The following DDX60L variants were observed in gnomAD, a reference collection of about 807,000 sequenced individuals.
The protein encoded by DDX60L is DExD/H-box 60 like.
Under a neutral mutation model 211.6 loss-of-function variants are expected in DDX60L, and 191 were observed. That is an observed-to-expected ratio of 0.90 (90% CI 0.80 to 1.02). The LOEUF is 1.02. Among genes scored for constraint, DDX60L ranks in the 50% least tolerant of loss-of-function variants. The pLI, the probability that DDX60L is intolerant of heterozygous loss-of-function variation, is 0.00. For missense variants in DDX60L, 2,007 were observed against 1,984.1 expected, an observed-to-expected ratio of 1.01 and a Z score of -0.22; for synonymous variants, 706 against 694.1, an observed-to-expected ratio of 1.02 and a Z score of -0.27.
chr4:168,479,644 A>T (rs1272929367), intron 1 of DDX60L, among the ~76,000 whole-genome samples: 1 of 152,160 alleles, frequency 6.6e-6, no homozygotes, highest in Admixed American at 6.5e-5. Context: ...ACCTTTCCAG[A>T]GAAATAGTAA....
intron 7 of DDX60L, among the ~76,000 whole-genome samples, chr4:168,453,695 C>T (rs994614729): frequency 1.3e-5 from 2 of 152,034 alleles, no homozygotes; most frequent in Non-Finnish European, 2.9e-5. Context: ...AATGAGAAAT[C>T]GGGGAAGGAA....
intron 4 of DDX60L, among the ~76,000 whole-genome samples, chr4:168,465,178 C>T (rs922180594): frequency 1.3e-5 from 2 of 151,264 alleles, no homozygotes; most frequent in South Asian, 2.1e-4. Context: ...TTTTTGACAA[C>T]AGCTATTCTA....
At chr4:168,459,040 C>T (rs1394242165) in intron 5 of DDX60L, among the ~76,000 whole-genome samples, 2 of 152,002 alleles carry the variant, frequency 1.3e-5, no homozygotes, top group South Asian at 2.1e-4. Context: ...ACCCCCAATC[C>T]TGAACAATTA....
chr4:168,383,996 A>G (rs1387564826), intron 30 of DDX60L, among the ~76,000 whole-genome samples: 1 of 152,168 alleles, frequency 6.6e-6, no homozygotes, highest in Non-Finnish European at 1.5e-5. Flanking sequence ...CAGAATATAA[A>G]GCAGGCAGAA....
intron 33 of DDX60L, among the ~76,000 whole-genome samples, chr4:168,376,949 A>C (rs895684620): frequency 2.0e-5 from 3 of 152,326 alleles, no homozygotes; most frequent in South Asian, 4.1e-4. Flanking sequence ...ACATGAGATG[A>C]TTTAGTGTGA....
chr4:168,412,940 G>GGCC lies in DDX60L; in HGVS notation c.2979+2467_2979+2468insGGC, dbSNP rs1438618662. ...AATCACCAAAGTGGTTCCTCTATGA[G>GGCC]ACTGCAAGAGCCACAGCCTCACTGA... On this transcript the variant is annotated intron_variant, in intron 22 of 37. Coordinates refer to ENST00000682922, the MANE Select transcript of DDX60L (RefSeq NM_001012967.3). Among the ~76,000 whole-genome samples, 2 of 152,232 alleles carry GGCC rather than the reference G, an allele frequency of 1.3e-5. 1 individual carries two copies. Among genetic ancestry groups the GGCC allele is most frequent in the African/African-American group, 4.8e-5 (2 of 41,450 alleles).
At chr4:168,423,171 TA>T (rs1390068315) in intron 15 of DDX60L, among the ~76,000 whole-genome samples, 1 of 152,078 alleles carries the variant, frequency 6.6e-6, no homozygotes, top group Admixed American at 6.5e-5. Flanking sequence ...TTTTCCTGCC[TA>T]AAATGTTATT....
intron 28 of DDX60L, among the ~76,000 whole-genome samples, chr4:168,393,545 C>T (rs560487799): frequency 3.3e-5 from 5 of 152,168 alleles, no homozygotes; most frequent in African/African-American, 1.2e-4. Flanking sequence ...AACGGCTACC[C>T]TTCTACACAA....
At chr4:168,415,585 C>A in intron 21 of DDX60L, 68 bp from the exon 22 acceptor site, 1 of 1,423,354 alleles carries the variant, frequency 7.0e-7, no homozygotes. Context: ...ATTTAAAACA[C>A]AAAAATCCCT....
In DDX60L at chr4:168,421,773, A is replaced by AC; in HGVS notation, c.2380dup (p.Val794GlyfsTer16). On this transcript the variant is annotated frameshift_variant, in exon 17 of 38. Coordinates refer to ENST00000682922, the MANE Select transcript of DDX60L (RefSeq NM_001012967.3). LOFTEE classifies it high-confidence loss of function. ...TTCAAACACTACCTTTGCGGGTGCA[A>AC]CGTACACAACCACCCCGACATCGCT... 1 of 1,614,130 alleles carries AC rather than the reference A, an allele frequency of 6.2e-7. No homozygotes were observed. Among genetic ancestry groups the AC allele is most frequent in the Non-Finnish European group, 8.5e-7 (1 of 1,179,992 alleles).
chr4:168,466,607 G>T (rs915532207), intron 4 of DDX60L, among the ~76,000 whole-genome samples: 22 of 152,172 alleles, frequency 1.4e-4, no homozygotes, highest in Non-Finnish European at 1.5e-5. Context: ...TGAATTTCAA[G>T]TAGAGCAGTT....
intron 24 of DDX60L, among the ~76,000 whole-genome samples, chr4:168,404,698 T>C (rs1747435243): frequency 6.6e-6 from 1 of 152,196 alleles, no homozygotes; most frequent in Non-Finnish European, 1.5e-5. Flanking sequence ...TATCCTACTA[T>C]TCCATATTTG....
Position 168,477,181 on chromosome 4 carries a change from C to T in DDX60L, c.-111+3196G>A, listed in dbSNP as rs1365006832. On this transcript the variant is annotated intron_variant, in intron 1 of 37. Transcript: ENST00000682922. ...CTGTAATCCCAGCACTTTGGGAGGC[C>T]AAGGCGGACGGATCACAAGGTCAGG... Among the ~76,000 whole-genome samples the T allele has an allele frequency of 3.9e-5, 6 of 152,026 alleles. No homozygotes were observed. In the East Asian group the frequency reaches 5.8e-4, roughly 15 times the overall value.
At position 168,356,815 on chromosome 4, in the gene DDX60L, T is replaced by C. The variant is rs1273023343; in HGVS notation, c.*1332A>G. 1 of 152,232 alleles carries C rather than the reference T, an allele frequency of 6.6e-6. No homozygotes were observed. The highest frequency in any genetic ancestry group is 1.5e-5 in the Non-Finnish European group (1 of 68,026). The allele number at this position is 152,232 out of a possible 1,614,324, so 9.4% of individuals were successfully genotyped here. A position where few individuals can be genotyped will look rare whatever the true frequency, so the allele number is the denominator to read the frequency against. ...ACAACAATACCAAGTTTTCAGCTAA[T>C]TGTTTGCTTAAAGAATCACAGAACT... On this transcript the variant is annotated 3_prime_UTR_variant, in exon 38 of 38. Coordinates refer to ENST00000682922, the MANE Select transcript of DDX60L (RefSeq NM_001012967.3).
intron 4 of DDX60L, among the ~76,000 whole-genome samples, chr4:168,466,397 C>A (rs1008937090): frequency 7.2e-5 from 11 of 152,094 alleles, no homozygotes; most frequent in Non-Finnish European, 1.2e-4. Context: ...ATCTGTGAGG[C>A]TTTGTCACAT....
chr4:168,448,586 G>C, intron 9 of DDX60L, 52 bp downstream of exon 9: 3 of 1,368,884 alleles, frequency 2.2e-6, no homozygotes, highest in Non-Finnish European at 3.0e-6. Context: ...AATTTATAAG[G>C]GTTTTATATA....
Position 168,462,070 on chromosome 4 carries a change from ATTTT to A in DDX60L, c.265-34_265-31del, listed in dbSNP as rs955456995. 6 of 1,457,982 alleles carry A rather than the reference ATTTT, an allele frequency of 4.1e-6. No individual in the cohort carries two copies. The African/African-American group carries it at 8.5e-5, about 21-fold the overall frequency. The allele number at this position is 1,457,982 out of a possible 1,614,324, so 90.3% of individuals were successfully genotyped here. A position where few individuals can be genotyped will look rare whatever the true frequency, so the allele number is the denominator to read the frequency against. The stretch of plus-strand genomic sequence containing the variant: ...GGTGAGAAAAAGAAACAAGCACATC[ATTTT>A]CAAATCTTCCTTTACTTATTTGTTA... On this transcript the variant is annotated intron_variant, in intron 4 of 37. Coordinates refer to ENST00000682922, the MANE Select transcript of DDX60L (RefSeq NM_001012967.3).
At chr4:168,453,415 C>T (rs1164541597) in intron 7 of DDX60L, 133 bp from the exon 8 acceptor site, 2 of 902,022 alleles carry the variant, frequency 2.2e-6, no homozygotes, top group Non-Finnish European at 3.3e-6. Flanking sequence ...TCTGCATACA[C>T]AAACTTGGCT....
intron 21 of DDX60L, 21 bp from the exon 22 acceptor site, chr4:168,415,538 T>C (rs1250298591): frequency 2.0e-6 from 3 of 1,508,470 alleles, no homozygotes; most frequent in African/African-American, 2.8e-5. Flanking sequence ...AGAGCAAGAA[T>C]ATCCAAATTA....
Sources: allele counts gnomAD v4.1 joint callset (sites outside exome capture counted in the v4.1 genomes callset), GRCh38; gene constraint gnomAD v4.1.1; transcripts MANE v1.5; gene names NCBI Gene and HGNC (gene_info 2026-07-23, HGNC 2026-07-21).